The following GLIS3 variants were observed in gnomAD, a reference collection of about 807,000 sequenced individuals.
GLIS3 encodes the protein GLIS family zinc finger 3.
In GLIS3, 53 loss-of-function variants were observed where a neutral mutation model predicts 78.6. The ratio of observed to expected loss-of-function variants is 0.67; its 90% confidence interval spans 0.54 to 0.85. The LOEUF (loss-of-function observed/expected upper bound fraction) is 0.85. Ranked by LOEUF, GLIS3 falls within the 40% of genes least tolerant of loss-of-function variation. The pLI is 0.00. For synonymous variants in GLIS3, 684 were observed against 509.9 expected (o/e 1.34, Z -4.60); for missense variants, 1,703 against 1,231.1 (o/e 1.38, Z -5.74).
chr9:4,304,736 A>G (rs763008749), upstream of GLIS3, among the ~76,000 whole-genome samples: 5 of 152,196 alleles, frequency 3.3e-5, no homozygotes, highest in African/African-American at 4.8e-5. Flanking sequence ...AACAAAAGCA[A>G]TTCAGTGGCT....
At chr9:4,088,214 C>T (rs1014940728) in intron 4 of GLIS3, among the ~76,000 whole-genome samples, 3 of 152,212 alleles carry the variant, frequency 2.0e-5, no homozygotes, top group Admixed American at 6.5e-5. Context: ...ATCCTTCTAT[C>T]GGGGCACCTG....
At position 4,040,936 on chromosome 9, in the gene GLIS3, G is replaced by C. The variant is rs923684570; in HGVS notation, c.1710+76832C>G. ...ACTTGTTTGAAATACAAAACATCAG[G>C]ACCCACTCCAGACCCAGGGAAGGAG... On this transcript the variant is annotated intron_variant, in intron 4 of 10. Coordinates refer to ENST00000381971, the MANE Select transcript of GLIS3 (RefSeq NM_001042413.2). 4.6e-5 allele frequency among the ~76,000 whole-genome samples: 7 copies of C among 152,126 alleles called. 1 individual carries two copies. Among genetic ancestry groups the C allele is most frequent in the Admixed American group, 3.9e-4 (6 of 15,270 alleles).
chr9:4,014,415 G>C (rs1229309207), intron 4 of GLIS3, among the ~76,000 whole-genome samples: 1 of 152,150 alleles, frequency 6.6e-6, no homozygotes, highest in African/African-American at 2.4e-5. Flanking sequence ...GTTAAGAGGA[G>C]GTCATATTGA....
intron 2 of GLIS3, among the ~76,000 whole-genome samples, chr9:4,316,150 T>C (rs1318435379): frequency 6.6e-6 from 1 of 152,104 alleles, no homozygotes; most frequent in Non-Finnish European, 1.5e-5. Flanking sequence ...CAGTCTATCC[T>C]CAACAAAAAA....
chr9:4,262,323 C>T (rs952212441), intron 2 of GLIS3, among the ~76,000 whole-genome samples: 1 of 152,138 alleles, frequency 6.6e-6, no homozygotes, highest in Non-Finnish European at 1.5e-5. Context: ...TTTGCAAATT[C>T]ACTCAGTGGC....
At chr9:4,388,633 G>A in the GLIS3 span, among the ~76,000 whole-genome samples, 1 of 151,974 alleles carries the variant, frequency 6.6e-6, no homozygotes, top group Non-Finnish European at 1.5e-5. Flanking sequence ...CCGAGATGGC[G>A]CCACTGCACT....
upstream of GLIS3, among the ~76,000 whole-genome samples, chr9:4,350,984 G>C (rs73388149): frequency 6.6e-6 from 1 of 152,064 alleles, no homozygotes; most frequent in Admixed American, 6.5e-5. Context: ...CTGTGTGTCT[G>C]TGTAGGTCAC....
chr9:4,300,791 T>C (rs952174922), upstream of GLIS3, among the ~76,000 whole-genome samples: 1 of 151,922 alleles, frequency 6.6e-6, no homozygotes, highest in African/African-American at 2.4e-5. Context: ...CTGCTCCTAG[T>C]AGTTCATCAC....
At chr9:3,875,927 C>T (rs1162941692) in intron 8 of GLIS3, among the ~76,000 whole-genome samples, 1 of 152,194 alleles carries the variant, frequency 6.6e-6, no homozygotes, top group Non-Finnish European at 1.5e-5. Flanking sequence ...GATCATTTAA[C>T]AACATCCTCT....
At chr9:4,486,043 G>C in the GLIS3 span, among the ~76,000 whole-genome samples, 1 of 152,098 alleles carries the variant, frequency 6.6e-6, no homozygotes, top group Non-Finnish European at 1.5e-5. Context: ...TTTAGTCGGG[G>C]AGATTTTTAT....
At chr9:4,036,605 A>G (rs551349458) in intron 4 of GLIS3, among the ~76,000 whole-genome samples, 234 of 152,326 alleles carry the variant, frequency 1.5e-3, no homozygotes, top group South Asian at 2.3e-3. Flanking sequence ...GGAAAAACAG[A>G]GAGGCTACTG....
At chr9:3,843,289 T>G (rs1818833101) in intron 9 of GLIS3, among the ~76,000 whole-genome samples, 1 of 152,196 alleles carries the variant, frequency 6.6e-6, no homozygotes, top group Non-Finnish European at 1.5e-5. Flanking sequence ...ACCTCATCCT[T>G]GCCAGTGATC....
chr9:4,287,543 G>C (rs766996102), intron 1 of GLIS3, among the ~76,000 whole-genome samples: 1 of 152,198 alleles, frequency 6.6e-6, no homozygotes, highest in Non-Finnish European at 1.5e-5. Context: ...TATAGACACT[G>C]TCACAATCTG....
At chr9:4,285,153 C>A (rs1032385291) in intron 2 of GLIS3, among the ~76,000 whole-genome samples, 6 of 152,028 alleles carry the variant, frequency 3.9e-5, no homozygotes, top group African/African-American at 1.5e-4. Flanking sequence ...ACATTTAAGA[C>A]GGAATGCTAA....
chr9:3,946,824 C>G (rs1180200403), intron 4 of GLIS3, among the ~76,000 whole-genome samples: 1 of 152,124 alleles, frequency 6.6e-6, no homozygotes, highest in Non-Finnish European at 1.5e-5. Context: ...TTTAAATTGC[C>G]CTTTAAAAGC....
At chr9:4,073,239 T>C (rs903832110) in intron 4 of GLIS3, among the ~76,000 whole-genome samples, 1 of 152,196 alleles carries the variant, frequency 6.6e-6, no homozygotes, top group African/African-American at 2.4e-5. Flanking sequence ...TGGGCTAGCA[T>C]AGAGCACTGA....
the GLIS3 span, among the ~76,000 whole-genome samples, chr9:4,357,816 A>G: frequency 2.0e-5 from 3 of 152,182 alleles, no homozygotes; most frequent in Non-Finnish European, 2.9e-5. Context: ...ACCACATTGC[A>G]TAGTGTCAGG....
At chr9:4,074,654 C>T (rs1827900716) in intron 4 of GLIS3, among the ~76,000 whole-genome samples, 1 of 152,150 alleles carries the variant, frequency 6.6e-6, no homozygotes, top group Non-Finnish European at 1.5e-5. Context: ...TTGGAAACTC[C>T]ATCACTATGA....
chr9:4,114,396 G>T (rs2130859401), intron 4 of GLIS3, among the ~76,000 whole-genome samples: 2 of 152,204 alleles, frequency 1.3e-5, no homozygotes, highest in East Asian at 3.9e-4. Context: ...GTCCTTTTAG[G>T]AACATGAAAC....
Sources: gnomAD v4.1 joint callset for allele counts (sites outside exome capture counted in the v4.1 genomes callset) on GRCh38, gnomAD v4.1.1 for gene constraint, MANE v1.5 for transcripts, NCBI Gene and HGNC (gene_info 2026-07-23, HGNC 2026-07-21) for gene names.